LRRTM3: variants seen among roughly 807,000 people sequenced by gnomAD.
LRRTM3 encodes the protein leucine rich repeat transmembrane neuronal 3.
Under a neutral mutation model 44.7 loss-of-function variants are expected in LRRTM3, and 24 were observed. The ratio of observed to expected loss-of-function variants is 0.54; its 90% CI spans 0.39 to 0.76. The LOEUF (loss-of-function observed/expected upper bound fraction) is 0.76, where lower values mean the gene tolerates loss of function less well. Among genes scored for constraint, LRRTM3 ranks in the 30% least tolerant of loss-of-function variants. The pLI is 0.00. For missense variants in LRRTM3, 587 were observed against 702.2 expected (o/e 0.84, Z 1.85); for synonymous variants, 277 against 278.7 (o/e 0.99, Z 0.06).
At chr10:67,033,085 C>T (rs1303102718) in intron 2 of LRRTM3, among the ~76,000 whole-genome samples, 1 of 152,098 alleles carries the variant, frequency 6.6e-6, no homozygotes, top group Non-Finnish European at 1.5e-5. Context: ...ATTTTGGAAA[C>T]TCGAAATTCT....
intron 2 of LRRTM3, among the ~76,000 whole-genome samples, chr10:67,007,696 A>G (rs927789896): frequency 2.6e-5 from 4 of 152,060 alleles, no homozygotes; most frequent in Non-Finnish European, 5.9e-5. Context: ...TTTAAAATCC[A>G]TAATTTATTA....
At chr10:67,039,519 T>C (rs1273016820) in intron 2 of LRRTM3, among the ~76,000 whole-genome samples, 1 of 152,156 alleles carries the variant, frequency 6.6e-6, no homozygotes, top group African/African-American at 2.4e-5. Context: ...CTATGGGTGA[T>C]GCATAATAAT....
chr10:67,090,760 C>T (rs1304705805), intron 2 of LRRTM3, among the ~76,000 whole-genome samples: 3 of 152,002 alleles, frequency 2.0e-5, no homozygotes, highest in Non-Finnish European at 2.9e-5. Flanking sequence ...ACAGACGCAA[C>T]AAATGCCCAC....
chr10:66,968,811 G>A (rs1380639493), intron 2 of LRRTM3, among the ~76,000 whole-genome samples: 1 of 152,076 alleles, frequency 6.6e-6, no homozygotes, highest in Non-Finnish European at 1.5e-5. Context: ...GAGGTCAGGA[G>A]TTTAAGACGA....
intron 2 of LRRTM3, among the ~76,000 whole-genome samples, chr10:67,004,271 T>C (rs1450712037): frequency 6.6e-6 from 1 of 152,196 alleles, no homozygotes; most frequent in African/African-American, 2.4e-5. Context: ...TGACTCTTTA[T>C]AAAATTTCTT....
chr10:66,958,910 A>T (rs771333914), intron 2 of LRRTM3, among the ~76,000 whole-genome samples: 7 of 152,164 alleles, frequency 4.6e-5, no homozygotes, highest in Non-Finnish European at 1.0e-4. Context: ...AGTTCCCTTT[A>T]TAGGTCAGAT....
In LRRTM3 at chr10:67,092,351, CA is replaced by C. The variant is rs766624870; in HGVS notation, c.1537-5234del. ...ATCTCTATTCAGACATAACACTTAC[CA>C]AGCAAACTAGAGAGAGAATTCTAGA... On this transcript the variant is annotated intron_variant, in intron 2 of 2. Transcript: ENST00000361320. Among the ~76,000 whole-genome samples, 8 of 151,948 alleles carry C rather than the reference CA, an allele frequency of 5.3e-5. No homozygotes were observed. The South Asian group carries it at 1.7e-3, about 32-fold the overall frequency.
At chr10:67,034,478 T>A (rs537145077) in intron 2 of LRRTM3, among the ~76,000 whole-genome samples, 52 of 152,320 alleles carry the variant, frequency 3.4e-4, no homozygotes, top group African/African-American at 1.2e-3. Context: ...GCCTATACTC[T>A]CTAGTGTCTT....
intron 2 of LRRTM3, among the ~76,000 whole-genome samples, chr10:67,081,764 T>A (rs560112355): frequency 6.6e-6 from 1 of 152,322 alleles, no homozygotes; most frequent in Admixed American, 6.5e-5. Flanking sequence ...TTTCTCTGAA[T>A]GAGTTCCTTG....
chr10:66,968,412 G>T (rs1390197399), intron 2 of LRRTM3, among the ~76,000 whole-genome samples: 1 of 143,478 alleles, frequency 7.0e-6, no homozygotes, highest in South Asian at 2.1e-4. Context: ...TTAAGGGAAA[G>T]AAATTAAAAA....
intron 2 of LRRTM3, among the ~76,000 whole-genome samples, chr10:67,065,448 A>C (rs1177400984): frequency 6.6e-6 from 1 of 152,184 alleles, no homozygotes; most frequent in Admixed American, 6.5e-5. Flanking sequence ...ATCTTGTGAC[A>C]GAGAAAATAA....
chr10:67,025,136 AAAAAAAAAAAAG>A (rs1259111676), intron 2 of LRRTM3, among the ~76,000 whole-genome samples: 1 of 9,524 alleles, frequency 1.0e-4, no homozygotes, highest in East Asian at 3.5e-3. Flanking sequence ...TGTCAAAAAC[AAAAAAAAAAAAG>A]AAAGAAAGGA....
chr10:66,983,413 G>C (rs1421957095), intron 2 of LRRTM3, among the ~76,000 whole-genome samples: 3 of 152,100 alleles, frequency 2.0e-5, no homozygotes, highest in Non-Finnish European at 4.4e-5. Flanking sequence ...TTGTACGGGT[G>C]CCCAGGCATC....
At chr10:67,087,933 T>C (rs1857399279) in intron 2 of LRRTM3, among the ~76,000 whole-genome samples, 1 of 152,046 alleles carries the variant, frequency 6.6e-6, no homozygotes, top group African/African-American at 2.4e-5. Flanking sequence ...CATGGAGAAA[T>C]ATGATTAGTC....
chr10:66,984,998 G>A (rs1850648006), intron 2 of LRRTM3, among the ~76,000 whole-genome samples: 1 of 151,846 alleles, frequency 6.6e-6, no homozygotes, highest in Admixed American at 6.6e-5. Context: ...CACTACTGTT[G>A]AGCCAAAATA....
chr10:67,083,864 G>A (rs939344982), intron 2 of LRRTM3, among the ~76,000 whole-genome samples: 3 of 152,060 alleles, frequency 2.0e-5, no homozygotes, highest in African/African-American at 7.2e-5. Flanking sequence ...TTATTAAAAT[G>A]TAAGTAATCA....
intron 2 of LRRTM3, among the ~76,000 whole-genome samples, chr10:67,050,178 G>A (rs1854993791): frequency 6.6e-6 from 1 of 152,184 alleles, no homozygotes; most frequent in African/African-American, 2.4e-5. Context: ...CAGAATGCAT[G>A]TAGAACATGC....
intron 2 of LRRTM3, chr10:67,012,328 A>G (rs1236571776): frequency 1.3e-5 from 2 of 152,214 alleles, no homozygotes; most frequent in Non-Finnish European, 2.9e-5. Flanking sequence ...CCTCGGTGCC[A>G]GATCTCCTAG....
intron 2 of LRRTM3, among the ~76,000 whole-genome samples, chr10:67,020,632 C>T (rs1015045124): frequency 1.3e-5 from 2 of 152,106 alleles, no homozygotes; most frequent in Non-Finnish European, 2.9e-5. Flanking sequence ...AAGGACAGCC[C>T]CTTACTTCAA....
Sources: gnomAD v4.1 joint callset for allele counts (sites outside exome capture counted in the v4.1 genomes callset) on GRCh38, gnomAD v4.1.1 for gene constraint, MANE v1.5 for transcripts, NCBI Gene and HGNC (gene_info 2026-07-23, HGNC 2026-07-21) for gene names.